The following ACTR1A variants were observed in gnomAD, a reference collection of about 807,000 sequenced individuals.
ACTR1A encodes the protein alpha-centractin.
Under a neutral mutation model 50.7 loss-of-function variants are expected in ACTR1A, and 10 were observed. The observed-to-expected ratio is 0.20, with a 90% confidence interval of 0.12 to 0.33. The LOEUF is 0.33. ACTR1A is among the 10% of genes least tolerant of loss of function. The pLI is 1.00. For missense variants in ACTR1A, 253 were observed against 491.7 expected (o/e 0.51, Z 4.59); for synonymous variants, 177 against 184.2 (o/e 0.96, Z 0.32).
At chr10:102,502,240 C>A (rs1328924896) in intron 1 of ACTR1A, among the ~76,000 whole-genome samples, 1 of 152,122 alleles carries the variant, frequency 6.6e-6, no homozygotes, top group Admixed American at 6.6e-5. Context: ...GGCTAAGAGG[C>A]GGTATCATTG....
In ACTR1A at chr10:102,488,317, A is replaced by G. The variant is rs773782478; in HGVS notation, c.190-42T>C. 2 of 1,600,244 alleles carry G rather than the reference A, an allele frequency of 1.2e-6. No homozygotes were observed. The highest frequency in any genetic ancestry group is 1.7e-6 in the Non-Finnish European group (2 of 1,168,312). ...GGACTTACGACTGCAGTCAGGCTCC[A>G]CCCAGGACCCTGTTCTCCCAAGACT... is the stretch of plus-strand genomic sequence containing the variant. On this transcript the variant is annotated intron_variant, in intron 3 of 10. Coordinates refer to ENST00000369905, the MANE Select transcript of ACTR1A (RefSeq NM_005736.4). The surrounding 1 kb of genome is among the most constrained non-coding windows in gnomAD (Gnocchi z 4.4).
chr10:102,481,980 G>T, intron 8 of ACTR1A, 21 bp downstream of exon 8: 3 of 1,614,018 alleles, frequency 1.9e-6, no homozygotes, highest in Non-Finnish European at 2.5e-6. Context: ...CAGGGGAAGG[G>T]CTCCAAGAGA....
intron 1 of ACTR1A, among the ~76,000 whole-genome samples, chr10:102,491,813 T>C (rs1461343686): frequency 6.6e-6 from 1 of 152,204 alleles, no homozygotes; most frequent in East Asian, 1.9e-4. Flanking sequence ...TCGCCCAGGC[T>C]GGAGTGCAGT....
At chr10:102,498,030 G>A (rs1314758101) in intron 1 of ACTR1A, among the ~76,000 whole-genome samples, 1 of 151,578 alleles carries the variant, frequency 6.6e-6, no homozygotes, top group Non-Finnish European at 1.5e-5. Context: ...AGCTGAGGCT[G>A]CAGTGAGCTT....
At chr10:102,485,219 A>AT (rs1329739758) in intron 5 of ACTR1A, among the ~76,000 whole-genome samples, 1 of 152,206 alleles carries the variant, frequency 6.6e-6, no homozygotes, top group Non-Finnish European at 1.5e-5. Context: ...CTGTGGTGGC[A>AT]TTCGGATCAT....
chr10:102,481,938 G>C (rs1181963025), intron 8 of ACTR1A, 40 bp from the exon 9 acceptor site: 1 of 1,613,480 alleles, frequency 6.2e-7, no homozygotes, highest in African/African-American at 1.3e-5. Context: ...CAATTCTCAG[G>C]GTGCCTGGAG....
intron 5 of ACTR1A, among the ~76,000 whole-genome samples, chr10:102,485,211 G>A (rs888900599): frequency 6.6e-6 from 1 of 152,232 alleles, no homozygotes; most frequent in Non-Finnish European, 1.5e-5. Context: ...AACAAGGACT[G>A]TGGTGGCATT....
intron 1 of ACTR1A, among the ~76,000 whole-genome samples, chr10:102,493,369 G>C (rs1176008504): frequency 6.6e-6 from 1 of 152,232 alleles, no homozygotes; most frequent in African/African-American, 2.4e-5. Flanking sequence ...TCTCCCGGCA[G>C]AGGTTAAAAA....
At chr10:102,481,704 TGG>T (rs2062143174) in intron 9 of ACTR1A, 131 bp downstream of exon 9, 1 of 1,048,340 alleles carries the variant, frequency 9.5e-7, no homozygotes, top group Non-Finnish European at 1.5e-6. Context: ...GTGTACAGGC[TGG>T]GAACCTGGCG....
intron 6 of ACTR1A, 88 bp from the exon 7 acceptor site, chr10:102,483,191 A>T: frequency 1.0e-6 from 1 of 987,206 alleles, no homozygotes; most frequent in Non-Finnish European, 1.6e-6. Context: ...CTGCTGCACA[A>T]ACCTGTCTAA....
At chr10:102,492,910 G>A (rs1408546917) in intron 1 of ACTR1A, among the ~76,000 whole-genome samples, 1 of 146,920 alleles carries the variant, frequency 6.8e-6, no homozygotes, top group Non-Finnish European at 1.5e-5. Flanking sequence ...GCTGAGGCAG[G>A]AGAATCACTT....
At position 102,482,383 on chromosome 10, in the gene ACTR1A, CG is replaced by C; in HGVS notation, c.751-209del. The stretch of plus-strand genomic sequence containing the variant: ...AGGGGAGGCTCCTATATTTCCTTCT[CG>C]CTCTGGCATTTTCCAGCCAAGAGGT... On this transcript the variant is annotated intron_variant, in intron 7 of 10. Coordinates refer to ENST00000369905, the MANE Select transcript of ACTR1A (RefSeq NM_005736.4). The surrounding 1 kb of genome is among the most constrained non-coding windows in gnomAD (Gnocchi z 5.6). 5 of 588,624 alleles carry C rather than the reference CG, an allele frequency of 8.5e-6. No homozygotes were observed. The South Asian group carries it at 1.0e-4, about 12-fold the overall frequency. 36.5% of individuals were successfully genotyped at this position (588,624 alleles called of 1,614,324 possible). A position where few individuals can be genotyped will look rare whatever the true frequency, so the allele number is the denominator to read the frequency against.
At chr10:102,492,069 CT>C (rs71016386) in intron 1 of ACTR1A, among the ~76,000 whole-genome samples, 7 of 92,336 alleles carry the variant, frequency 7.6e-5, no homozygotes, top group South Asian at 4.1e-4. Context: ...CGTGCCCGGC[CT>C]TTTTTTTTTT....
chr10:102,483,432 T>G, intron 6 of ACTR1A: 1 of 236,958 alleles, frequency 4.2e-6, no homozygotes, highest in Non-Finnish European at 8.2e-6. Flanking sequence ...GTTCTGGTCC[T>G]ACCCAGCTCG....
At chr10:102,489,394 C>T (rs2062182292) in intron 2 of ACTR1A, among the ~76,000 whole-genome samples, 1 of 151,690 alleles carries the variant, frequency 6.6e-6, no homozygotes. Context: ...TATTTAATAC[C>T]TCTAGTTCTT....
In ACTR1A at chr10:102,482,278, G is replaced by A; in HGVS notation, c.751-103C>T. 2 of 1,114,690 alleles carry A rather than the reference G, an allele frequency of 1.8e-6. No homozygotes were observed. The highest frequency in any genetic ancestry group is 2.6e-6 in the Non-Finnish European group (2 of 763,856). 69.0% of individuals were successfully genotyped at this position (1,114,690 alleles called of 1,614,324 possible). ...TCTGCACGTCACTTAGTAACTGGGTGGCTATGAAGGCCAGGCTCAAGACAG... is the reference window on the plus strand; with the variant it reads ...TCTGCACGTCACTTAGTAACTGGGTAGCTATGAAGGCCAGGCTCAAGACAG... On this transcript the variant is annotated intron_variant, in intron 7 of 10. Transcript: ENST00000369905. The surrounding 1 kb of genome is among the most constrained non-coding windows in gnomAD (Gnocchi z 5.6).
At position 102,482,110 on chromosome 10, in the gene ACTR1A, A is replaced by G; in HGVS notation, c.816T>C (p.Ser272=). The change falls in exon 8 of 11, where the codon AGT becomes AGC. Residue 272 remains serine, a synonymous_variant. Transcript: ENST00000369905. This position sits in a 1 kb window ranked among gnomAD's most constrained non-coding sequence, Gnocchi z 5.6. ...LFRPDLIGEE[S]EGIHEVLVFA... is the part of the protein sequence containing the mutation. ...ACACCAGGACCTCGTGGATGCCTTC[A>G]CTCTCCTCTCCAATCAAATCTGGCC... is the stretch of plus-strand genomic sequence containing the variant. 6.2e-7 allele frequency: 1 copy of G among 1,613,966 alleles called. No homozygotes were observed. Among genetic ancestry groups the G allele is most frequent in the South Asian group, 1.1e-5 (1 of 91,070 alleles).
Position 102,488,972 on chromosome 10 carries a change from G to T in ACTR1A, c.189+91C>A. 1 of 943,412 alleles carries T rather than the reference G, an allele frequency of 1.1e-6. No individual in the cohort carries two copies. Among genetic ancestry groups the T allele is most frequent in the Non-Finnish European group, 1.5e-6 (1 of 671,488 alleles). 58.4% of individuals were successfully genotyped at this position (943,412 alleles called of 1,614,324 possible). ...AGAGAAAGTTGCCCCTTTTACTTAT[G>T]GGTATGTCCAAATGTTGGGACATGT... On this transcript the variant is annotated intron_variant, in intron 3 of 10. Transcript: ENST00000369905. The surrounding 1 kb of genome is among the most constrained non-coding windows in gnomAD (Gnocchi z 4.4).
intron 9 of ACTR1A, 122 bp from the exon 10 acceptor site, chr10:102,481,294 CT>C: frequency 9.1e-7 from 1 of 1,099,546 alleles, no homozygotes; most frequent in Non-Finnish European, 1.3e-6. Context: ...GCTCTGGCCT[CT>C]CTGGAGGGCA....
Sources: gnomAD v4.1 joint callset for allele counts (sites outside exome capture counted in the v4.1 genomes callset) on GRCh38, gnomAD v4.1.1 for gene constraint, Gnocchi (gnomAD v3.1) non-coding constraint, MANE v1.5 for transcripts, NCBI Gene and HGNC (gene_info 2026-07-23, HGNC 2026-07-21) for gene names.